Variants in TENM4 observed in about 807,000 individuals in gnomAD.
TENM4 encodes teneurin transmembrane protein 4.
A neutral mutation model predicts 243.3 loss-of-function variants in TENM4; 82 were observed. The observed-to-expected ratio is 0.34, with a 90% CI of 0.28 to 0.40. The LOEUF (loss-of-function observed/expected upper bound fraction) is 0.40. Among genes scored for constraint, TENM4 ranks in the 10% least tolerant of loss-of-function variants. The pLI is 1.00. For missense variants in TENM4, 3,138 were observed against 3,673.3 expected, an observed-to-expected ratio of 0.85 and a Z score of 3.77; for synonymous variants, 1,412 against 1,456.3, an observed-to-expected ratio of 0.97 and a Z score of 0.69.
intron 4 of TENM4, among the ~76,000 whole-genome samples, chr11:79,090,510 C>G (rs888550713): frequency 6.6e-6 from 1 of 152,228 alleles, no homozygotes; most frequent in Non-Finnish European, 1.5e-5. Flanking sequence ...GCAACTCATT[C>G]GTTCTGCATT....
At chr11:78,860,752 C>T (rs1858799746) in intron 10 of TENM4, among the ~76,000 whole-genome samples, 1 of 152,210 alleles carries the variant, frequency 6.6e-6, no homozygotes, top group South Asian at 2.1e-4. Context: ...GCTTCTGATG[C>T]TGACCACTTT....
chr11:79,385,039 C>T (rs1009650442), intron 1 of TENM4, among the ~76,000 whole-genome samples: 15 of 151,636 alleles, frequency 9.9e-5, no homozygotes, highest in East Asian at 3.9e-4. Flanking sequence ...CTGTGGTCAC[C>T]GAGCAATGAT....
intron 20 of TENM4, among the ~76,000 whole-genome samples, chr11:78,734,772 G>C (rs1459255949): frequency 6.6e-6 from 1 of 152,128 alleles, no homozygotes; most frequent in Non-Finnish European, 1.5e-5. Flanking sequence ...GTCATTGCTT[G>C]TTGAGCTCTC....
In TENM4 at chr11:78,845,281, G is replaced by C. The variant is rs79966037; in HGVS notation, c.1681+8823C>G. On this transcript the variant is annotated intron_variant, in intron 12 of 33. Coordinates refer to ENST00000278550, the MANE Select transcript of TENM4 (RefSeq NM_001098816.3). ...AAATGCTGAATACTTGACACATTTAGAAACACACTGAGTACCTACCACAAA... is the reference window on the plus strand; with the variant it reads ...AAATGCTGAATACTTGACACATTTACAAACACACTGAGTACCTACCACAAA... 6.1e-3 allele frequency among the ~76,000 whole-genome samples: 934 copies of C among 152,310 alleles called. 37 individuals are homozygous for C. In the East Asian group the frequency reaches 0.098, roughly 16 times the overall value.
chr11:79,120,617 C>T (rs1026216548), intron 4 of TENM4, among the ~76,000 whole-genome samples: 2 of 152,202 alleles, frequency 1.3e-5, no homozygotes, highest in Non-Finnish European at 2.9e-5. Context: ...GATGAATACT[C>T]ATTCAGTTAA....
chr11:79,179,804 C>T (rs1428687525), intron 3 of TENM4, among the ~76,000 whole-genome samples: 1 of 151,794 alleles, frequency 6.6e-6, no homozygotes, highest in African/African-American at 2.4e-5. Flanking sequence ...TTAACATTTA[C>T]TGAATATCTA....
intron 3 of TENM4, among the ~76,000 whole-genome samples, chr11:79,192,325 A>G (rs1863530471): frequency 1.3e-5 from 2 of 152,228 alleles, no homozygotes; most frequent in Non-Finnish European, 2.9e-5. Flanking sequence ...GGAATACAAA[A>G]GGGGGCAAGG....
intron 1 of TENM4, among the ~76,000 whole-genome samples, chr11:79,310,838 A>G (rs1856707306): frequency 6.6e-6 from 1 of 152,218 alleles, no homozygotes; most frequent in South Asian, 2.1e-4. Flanking sequence ...TTTCTAGGAA[A>G]AGAAATAAAA....
intron 3 of TENM4, among the ~76,000 whole-genome samples, chr11:79,169,414 C>T (rs1240863287): frequency 6.6e-6 from 1 of 152,094 alleles, no homozygotes; most frequent in Admixed American, 6.6e-5. Context: ...GGCTACGCAA[C>T]CTGTCTGGGA....
intron 4 of TENM4, among the ~76,000 whole-genome samples, chr11:79,088,322 T>C (rs1161923054): frequency 2.0e-5 from 3 of 152,080 alleles, no homozygotes; most frequent in African/African-American, 4.8e-5. Context: ...CCTTCACATC[T>C]CATGTCACTG....
chr11:79,041,023 G>A (rs1591233479), intron 6 of TENM4, among the ~76,000 whole-genome samples: 1 of 151,022 alleles, frequency 6.6e-6, no homozygotes, highest in East Asian at 1.9e-4. Context: ...TCGGGAGTTA[G>A]AAGAATTTAA....
intron 12 of TENM4, among the ~76,000 whole-genome samples, chr11:78,824,506 T>TC (rs1177094510): frequency 6.7e-5 from 10 of 150,034 alleles, no homozygotes; most frequent in Non-Finnish European, 8.9e-5. Context: ...TTTCTTTCTT[T>TC]TTTTTTTTTT....
chr11:79,314,397 A>G (rs1192255039), intron 1 of TENM4, among the ~76,000 whole-genome samples: 1 of 152,214 alleles, frequency 6.6e-6, no homozygotes, highest in African/African-American at 2.4e-5. Context: ...GATGGTGGAG[A>G]TAAATGAATT....
At chr11:79,343,937 C>G (rs992045701) in intron 1 of TENM4, among the ~76,000 whole-genome samples, 7 of 152,208 alleles carry the variant, frequency 4.6e-5, no homozygotes, top group African/African-American at 1.7e-4. Flanking sequence ...GCACAAAGAA[C>G]ATAGATGGGG....
rs1045715528 is a variant in TENM4, at chr11:78,899,569, G to A, written c.749+3699C>T. On this transcript the variant is annotated intron_variant, in intron 7 of 33. Coordinates refer to ENST00000278550, the MANE Select transcript of TENM4 (RefSeq NM_001098816.3). ...CTCTGTCTCAAAAAGCGGGGGGGGG[G>A]GGAAAAAGAAAAAAGAAAGAAAATT... 1.2e-3 allele frequency among the ~76,000 whole-genome samples: 147 copies of A among 123,864 alleles called. 13 individuals carry two copies. The highest frequency in any genetic ancestry group is 3.9e-3 in the African/African-American group (137 of 34,874). The allele number at this position is 123,864 out of a possible 152,430, so 81.3% of individuals were successfully genotyped here.
At chr11:79,228,489 G>A (rs926523891) in intron 2 of TENM4, among the ~76,000 whole-genome samples, 5 of 152,094 alleles carry the variant, frequency 3.3e-5, no homozygotes, top group Non-Finnish European at 7.4e-5. Flanking sequence ...CGAGACTCCA[G>A]TGCAGACTTG....
At chr11:78,732,072 T>A (rs1049161909) in intron 21 of TENM4, among the ~76,000 whole-genome samples, 1 of 152,174 alleles carries the variant, frequency 6.6e-6, no homozygotes, top group African/African-American at 2.4e-5. Context: ...GAATTTAGTA[T>A]AAACCAGAGT....
At chr11:79,359,503 A>C (rs554728667) in intron 1 of TENM4, among the ~76,000 whole-genome samples, 1 of 152,288 alleles carries the variant, frequency 6.6e-6, no homozygotes, top group African/African-American at 2.4e-5. Flanking sequence ...TCATTGTTGA[A>C]GCTGGGTGGT....
intron 6 of TENM4, among the ~76,000 whole-genome samples, chr11:79,024,551 T>C (rs761384199): frequency 2.6e-5 from 4 of 152,210 alleles, no homozygotes; most frequent in Non-Finnish European, 5.9e-5. Flanking sequence ...AAATCAGATA[T>C]ATGGCCTTGT....
Sources: allele counts gnomAD v4.1 joint callset (sites outside exome capture counted in the v4.1 genomes callset), GRCh38; gene constraint gnomAD v4.1.1; transcripts MANE v1.5; gene names NCBI Gene and HGNC (gene_info 2026-07-23, HGNC 2026-07-21).